Variants in DEPDC5 observed in about 807,000 individuals in gnomAD.
DEPDC5 encodes DEP domain containing 5, GATOR1 subcomplex subunit.
In DEPDC5, 73 loss-of-function variants were observed where a neutral mutation model predicts 217.3. That is an observed-to-expected ratio of 0.34 (90% CI 0.28 to 0.41). The LOEUF (loss-of-function observed/expected upper bound fraction) is 0.41, where lower values mean the gene tolerates loss of function less well. Ranked by LOEUF, DEPDC5 falls within the 10% of genes least tolerant of loss-of-function variation. The pLI, the probability that DEPDC5 is intolerant of heterozygous loss-of-function variation, is 1.00. For synonymous variants in DEPDC5, 733 were observed against 756.7 expected (o/e 0.97, Z 0.51); for missense variants, 1,675 against 2,070.1 (o/e 0.81, Z 3.70).
chr22:31,866,261 G>A (rs912170128), intron 33 of DEPDC5, among the ~76,000 whole-genome samples: 4 of 152,036 alleles, frequency 2.6e-5, no homozygotes, highest in African/African-American at 9.7e-5. Flanking sequence ...TTAATCAAAC[G>A]CCAGACTTGG....
chr22:31,771,301 T>G (rs1173331516), intron 7 of DEPDC5, among the ~76,000 whole-genome samples: 1 of 152,148 alleles, frequency 6.6e-6, no homozygotes, highest in African/African-American at 2.4e-5. Flanking sequence ...TCATTTTTTC[T>G]CCCAAAAAGG....
intron 14 of DEPDC5, among the ~76,000 whole-genome samples, chr22:31,800,821 A>G (rs1044384071): frequency 6.6e-6 from 1 of 151,958 alleles, no homozygotes; most frequent in Non-Finnish European, 1.5e-5. Context: ...TACTAAAAAT[A>G]CAAAAATTAG....
chr22:31,795,704 A>G (rs1277471271), intron 12 of DEPDC5, among the ~76,000 whole-genome samples: 1 of 148,668 alleles, frequency 6.7e-6, no homozygotes, highest in Non-Finnish European at 1.5e-5. Context: ...CTCTTTTTAT[A>G]TGTTTTAAAC....
At chr22:31,824,122 G>C (rs115171980) in intron 24 of DEPDC5, among the ~76,000 whole-genome samples, 2,261 of 152,286 alleles carry the variant, frequency 0.015, 53 homozygotes, top group African/African-American at 0.052. Context: ...AGGCCAGGTG[G>C]ATCACCTGAG....
chr22:31,758,866 T>G lies in DEPDC5; in HGVS notation c.146+233T>G, dbSNP rs534215514. 4.6e-5 allele frequency among the ~76,000 whole-genome samples: 7 copies of G among 152,004 alleles called. No individual in the cohort carries two copies. In the South Asian group the frequency reaches 1.0e-3, roughly 23 times the overall value. On this transcript the variant is annotated intron_variant, in intron 3 of 42. Transcript: ENST00000651528. ...AAAAAAATGATCATGCCTTCTAGGA[T>G]TTGATCAACAAATAATTTTTCAAAA...
intron 7 of DEPDC5, among the ~76,000 whole-genome samples, chr22:31,776,300 C>T (rs1338309838): frequency 6.6e-6 from 1 of 151,804 alleles, no homozygotes; most frequent in African/African-American, 2.4e-5. Context: ...TTTATAGCGA[C>T]AGGGTCTCAC....
chr22:31,827,152 G>T (rs2090216084), intron 24 of DEPDC5, among the ~76,000 whole-genome samples: 1 of 151,858 alleles, frequency 6.6e-6, no homozygotes, highest in Non-Finnish European at 1.5e-5. Flanking sequence ...TGTTAAGTGG[G>T]GTCATCTTTT....
At chr22:31,766,993 A>G (rs941984354) in intron 6 of DEPDC5, among the ~76,000 whole-genome samples, 31 of 152,114 alleles carry the variant, frequency 2.0e-4, no homozygotes, top group African/African-American at 7.2e-4. Flanking sequence ...TATTATCCCT[A>G]ATTTATAGAG....
chr22:31,770,434 G>A (rs960902377), intron 7 of DEPDC5, among the ~76,000 whole-genome samples: 1 of 151,170 alleles, frequency 6.6e-6, no homozygotes, highest in Non-Finnish European at 1.5e-5. Context: ...AGGCTGGAGT[G>A]CAGTGGTGGG....
chr22:31,888,620 G>A (rs2093370626), intron 38 of DEPDC5, among the ~76,000 whole-genome samples: 1 of 152,116 alleles, frequency 6.6e-6, no homozygotes, highest in African/African-American at 2.4e-5. Context: ...CATGATCCTA[G>A]CTTGCTGCAG....
intron 4 of DEPDC5, among the ~76,000 whole-genome samples, chr22:31,762,601 TA>T (rs958645277): frequency 2.0e-5 from 3 of 152,058 alleles, no homozygotes; most frequent in African/African-American, 7.2e-5. Context: ...CCGTCTCTAC[TA>T]AAAATATAAA....
intron 38 of DEPDC5, among the ~76,000 whole-genome samples, chr22:31,889,312 C>T (rs2093385540): frequency 6.6e-6 from 1 of 152,180 alleles, no homozygotes; most frequent in Non-Finnish European, 1.5e-5. Flanking sequence ...ATATGTACTG[C>T]CAAATCTATC....
chr22:31,873,566 C>T lies in DEPDC5; in HGVS notation c.3563+234C>T, dbSNP rs556393394. Among the ~76,000 whole-genome samples, 52 of 151,354 alleles carry T rather than the reference C, an allele frequency of 3.4e-4. 1 individual carries two copies. The Middle Eastern group carries it at 0.024, about 70-fold the overall frequency. ...TCACTCTGTCACCCAGGCTAGAGTG[C>T]GGTGTCGCCATCTTGGCTCACCCAA... On this transcript the variant is annotated intron_variant, in intron 35 of 42. Transcript: ENST00000651528.
chr22:31,829,785 TGCTGCCCAGCAGAGACAGGGCA>T (rs1469009839), intron 24 of DEPDC5, among the ~76,000 whole-genome samples: 1 of 152,192 alleles, frequency 6.6e-6, no homozygotes, highest in Non-Finnish European at 1.5e-5. Context: ...TTTTTCACCC[TGCTGCCCAGCAGAGACAGGGCA>T]GTTGGTGTGA....
At chr22:31,793,220 T>G (rs1474816218) in intron 12 of DEPDC5, among the ~76,000 whole-genome samples, 1 of 152,194 alleles carries the variant, frequency 6.6e-6, no homozygotes, top group Non-Finnish European at 1.5e-5. Context: ...CCAAGTTACA[T>G]TTGTCAAAAC....
intron 3 of DEPDC5, among the ~76,000 whole-genome samples, chr22:31,760,078 T>C (rs1013010893): frequency 6.6e-6 from 1 of 151,040 alleles, no homozygotes; most frequent in African/African-American, 2.4e-5. Flanking sequence ...TTCTTTTTTT[T>C]TTTTTGTGAG....
At chr22:31,826,078 C>T (rs1433725899) in intron 24 of DEPDC5, among the ~76,000 whole-genome samples, 4 of 152,048 alleles carry the variant, frequency 2.6e-5, no homozygotes, top group East Asian at 1.9e-4. Context: ...GCGATCTCAG[C>T]TCTCTGCAAC....
chr22:31,809,226 C>T (rs1434802846), intron 18 of DEPDC5, among the ~76,000 whole-genome samples: 4 of 152,002 alleles, frequency 2.6e-5, no homozygotes, highest in South Asian at 2.1e-4. Flanking sequence ...GTGACAGCAC[C>T]GTAGTGAAGG....
chr22:31,827,448 G>A (rs184624031), intron 24 of DEPDC5, among the ~76,000 whole-genome samples: 12 of 152,312 alleles, frequency 7.9e-5, no homozygotes, highest in African/African-American at 2.9e-4. Flanking sequence ...CCTGGCCTAA[G>A]GTGCCATCAT....
Sources: gnomAD v4.1 joint callset for allele counts (sites outside exome capture counted in the v4.1 genomes callset) on GRCh38, gnomAD v4.1.1 for gene constraint, MANE v1.5 for transcripts, NCBI Gene and HGNC (gene_info 2026-07-23, HGNC 2026-07-21) for gene names.